Variants in KCNA3 observed in about 807,000 individuals in gnomAD.
KCNA3 encodes the protein potassium voltage-gated channel subfamily A member 3.
A neutral mutation model predicts 34.3 loss-of-function variants in KCNA3; 18 were observed. The observed-to-expected ratio is 0.52, with a 90% CI of 0.36 to 0.78. The LOEUF (loss-of-function observed/expected upper bound fraction) is 0.78. KCNA3 is among the 30% of genes least tolerant of loss of function. The pLI is 0.00. For synonymous variants in KCNA3, 324 were observed against 351.7 expected, an observed-to-expected ratio of 0.92 and a Z score of 0.88; for missense variants, 587 against 802.5, an observed-to-expected ratio of 0.73 and a Z score of 3.24.
chr1:110,673,479 G>A lies in KCNA3; in HGVS notation c.1331C>T (p.Thr444Ile). Reference protein sequence around the residue: ...AFWWAVVTMTTVGYGDMHPVT... With the variant: ...AFWWAVVTMTIVGYGDMHPVT... ...TGGGTGCATATCGCCGTAACCCACT[G>A]TTGTCATGGTTACCACTGCCCACCA... Residue 444 changes from threonine (T) to isoleucine (I), a missense_variant, in exon 1 of 1, where the codon ACA becomes ATA. Physicochemically the swap from Thr to Ile is moderately conservative, Grantham distance 89. Coordinates refer to ENST00000369769, the MANE Select transcript of KCNA3 (RefSeq NM_002232.5). This position sits in a 1 kb window ranked among gnomAD's most constrained non-coding sequence, Gnocchi z 8.8. 6.2e-7 allele frequency: 1 copy of A among 1,614,152 alleles called. No individual in the cohort carries two copies. Among genetic ancestry groups the A allele is most frequent in the Non-Finnish European group, 8.5e-7 (1 of 1,180,026 alleles).
At chr1:110,654,308 G>C in the KCNA3 span, 1 of 152,134 alleles carries the variant, frequency 6.6e-6, no homozygotes, top group Non-Finnish European at 1.5e-5. Flanking sequence ...AATAAAGGCA[G>C]TTTTTCTCCC....
chr1:110,665,914 C>T, the KCNA3 span, among the ~76,000 whole-genome samples: 1 of 152,110 alleles, frequency 6.6e-6, no homozygotes, highest in Non-Finnish European at 1.5e-5. Flanking sequence ...TTGCCAAGTA[C>T]ACTTTTGGTG....
At chr1:110,669,275 A>C (rs139755117), downstream of KCNA3, among the ~76,000 whole-genome samples, 14 of 152,308 alleles carry the variant, frequency 9.2e-5, no homozygotes, top group East Asian at 2.7e-3. Context: ...TTGTTGATTA[A>C]AACACATGAA....
the KCNA3 span, among the ~76,000 whole-genome samples, chr1:110,662,756 C>T: frequency 5.3e-5 from 8 of 152,070 alleles, no homozygotes; most frequent in Admixed American, 2.6e-4. Flanking sequence ...GGAAAATGAG[C>T]TGTGAGGTAT....
the KCNA3 span, among the ~76,000 whole-genome samples, chr1:110,657,228 G>A: frequency 6.6e-6 from 1 of 152,012 alleles, no homozygotes; most frequent in African/African-American, 2.4e-5. Flanking sequence ...TGTATTTTTA[G>A]TGGAGTTGGG....
rs755265271 is a variant in KCNA3, at chr1:110,673,019, T to A, written c.*63A>T. On this transcript the variant is annotated 3_prime_UTR_variant, in exon 1 of 1. Coordinates refer to ENST00000369769, the MANE Select transcript of KCNA3 (RefSeq NM_002232.5). The surrounding 1 kb of genome is among the most constrained non-coding windows in gnomAD (Gnocchi z 8.8). ...TCTGGAAATGTATAAAACAAGGGCA[T>A]AGGCAGACCAAGGGGGCACGTTCCA... 15 of 1,474,300 alleles carry A rather than the reference T, an allele frequency of 1.0e-5. No individual in the cohort carries two copies. The highest frequency in any genetic ancestry group is 1.3e-5 in the Non-Finnish European group (14 of 1,079,146). The allele number at this position is 1,474,300 out of a possible 1,614,324, so 91.3% of individuals were successfully genotyped here. A position where few individuals can be genotyped will look rare whatever the true frequency, so the allele number is the denominator to read the frequency against.
rs753191373 is a variant in KCNA3, at chr1:110,674,636, C to T, written c.174G>A (p.Gly58=). 1.3e-5 allele frequency: 20 copies of T among 1,548,348 alleles called. No individual in the cohort carries two copies. The highest frequency in any genetic ancestry group is 1.4e-5 in the African/African-American group (1 of 70,076). Reference sequence around the variant, plus strand: ...CCACCTCCGGCTCCAGCAGGTGGTCCCCGGGCACCACGGTCATGTCGGGCG... The same window carrying T: ...CCACCTCCGGCTCCAGCAGGTGGTCTCCGGGCACCACGGTCATGTCGGGCG... The part of the protein sequence containing the change: ...ELPPDMTVVP[G]DHLLEPEVAD... Residue 58 remains glycine (G), a synonymous_variant, in exon 1 of 1, where the codon GGG becomes GGA. Coordinates refer to ENST00000369769, the MANE Select transcript of KCNA3 (RefSeq NM_002232.5). This position sits in a 1 kb window ranked among gnomAD's most constrained non-coding sequence, Gnocchi z 6.4.
chr1:110,671,884 C>T (rs1463861815), downstream of KCNA3, among the ~76,000 whole-genome samples: 2 of 152,102 alleles, frequency 1.3e-5, no homozygotes, highest in Non-Finnish European at 2.9e-5. Flanking sequence ...CCAGATCATG[C>T]CTTATTGTGG....
At chr1:110,657,023 A>C in the KCNA3 span, 4 of 151,596 alleles carry the variant, frequency 2.6e-5, no homozygotes, top group African/African-American at 9.7e-5. Flanking sequence ...CCTGCATAAG[A>C]AAATCTGGGT....
In KCNA3 at chr1:110,673,826, CATG is replaced by C; in HGVS notation, c.981_983del (p.Ile327del). On this transcript the variant is annotated inframe_deletion, in exon 1 of 1. Transcript: ENST00000369769. The surrounding 1 kb of genome is among the most constrained non-coding windows in gnomAD (Gnocchi z 8.8). ...TGATGGCCACAATGTCGATCAGGTT[CATG>C]ATGTTTCGCGAGAAGGTGGCTTTGC... The C allele has an allele frequency of 6.2e-7, 1 of 1,614,124 alleles. No homozygotes were observed. Among genetic ancestry groups the C allele is most frequent in the Non-Finnish European group, 8.5e-7 (1 of 1,180,028 alleles).
chr1:110,664,780 G>A, the KCNA3 span, among the ~76,000 whole-genome samples: 7,542 of 152,272 alleles, frequency 0.05, 249 homozygotes, highest in Non-Finnish European at 0.073. Context: ...ACATTAGAGG[G>A]AAAAATAAGA....
chr1:110,656,969 A>C, the KCNA3 span: 1 of 151,542 alleles, frequency 6.6e-6, no homozygotes, highest in Non-Finnish European at 1.5e-5. Context: ...AGAATGATAT[A>C]TTTATGATAC....
the KCNA3 span, among the ~76,000 whole-genome samples, chr1:110,664,620 T>G: frequency 1.3e-5 from 2 of 152,180 alleles, no homozygotes; most frequent in African/African-American, 4.8e-5. Context: ...CTCTCATCTC[T>G]CCTTCCAATA....
the KCNA3 span, chr1:110,653,828 T>A: frequency 6.6e-6 from 1 of 152,226 alleles, no homozygotes; most frequent in Non-Finnish European, 1.5e-5. Context: ...GAATGTTTGA[T>A]TTTACATCGT....
chr1:110,659,162 G>A, the KCNA3 span, among the ~76,000 whole-genome samples: 1 of 130,106 alleles, frequency 7.7e-6, no homozygotes, highest in Non-Finnish European at 1.6e-5. Flanking sequence ...ATTAAACACA[G>A]TCCACTACTT....
chr1:110,660,673 A>G, the KCNA3 span, among the ~76,000 whole-genome samples: 1 of 152,250 alleles, frequency 6.6e-6, no homozygotes, highest in East Asian at 1.9e-4. Context: ...TACCATTTTA[A>G]AATTTCCCAA....
At position 110,674,045 on chromosome 1, in the gene KCNA3, C is replaced by T; in HGVS notation, c.765G>A (p.Thr255=). The T allele has an allele frequency of 6.2e-7, 1 of 1,607,358 alleles. No individual in the cohort carries two copies. The stretch of plus-strand genomic sequence containing the variant: ...CCTTCTCGTCGCGGAACTCCGGCAG[C>T]GTCTCCAGGCAGAAGATGACAATGG... ...LISIVIFCLE[T]LPEFRDEKDY... Residue 255 remains threonine, a synonymous_variant, in exon 1 of 1, where the codon ACG becomes ACA. Coordinates refer to ENST00000369769, the MANE Select transcript of KCNA3 (RefSeq NM_002232.5). The surrounding 1 kb of genome is among the most constrained non-coding windows in gnomAD (Gnocchi z 6.4).
At chr1:110,655,470 T>C in the KCNA3 span, 2 of 152,090 alleles carry the variant, frequency 1.3e-5, no homozygotes, top group Non-Finnish European at 2.9e-5. Flanking sequence ...AGATACAGTA[T>C]TAACACAATA....
At position 110,673,356 on chromosome 1, in the gene KCNA3, T is replaced by A; in HGVS notation, c.1454A>T (p.Tyr485Phe). ...PVPVIVSNFNYFYHRETEGEE... is the reference protein window; with the variant it reads ...PVPVIVSNFNFFYHRETEGEE... ...CCCTTCTGTCTCCCGGTGGTAGAAG[T>A]AATTGAAGTTGGAAACAATCACGGG... Residue 485 changes from tyrosine to phenylalanine, a missense_variant, in exon 1 of 1, where the codon TAC (tyrosine) becomes TTC (phenylalanine). Physicochemically the swap from Tyr to Phe is conservative, Grantham distance 22 (BLOSUM62 3). Coordinates refer to ENST00000369769, the MANE Select transcript of KCNA3 (RefSeq NM_002232.5). The surrounding 1 kb of genome is among the most constrained non-coding windows in gnomAD (Gnocchi z 8.8). The A allele has an allele frequency of 6.2e-7, 1 of 1,613,974 alleles. No individual in the cohort carries two copies. The highest frequency in any genetic ancestry group is 8.5e-7 in the Non-Finnish European group (1 of 1,179,990).
Sources: gnomAD v4.1 joint callset for allele counts (sites outside exome capture counted in the v4.1 genomes callset) on GRCh38, gnomAD v4.1.1 for gene constraint, Gnocchi (gnomAD v3.1) non-coding constraint, MANE v1.5 for transcripts, NCBI Gene and HGNC (gene_info 2026-07-23, HGNC 2026-07-21) for gene names.